The following ABL2 variants were observed in gnomAD, a reference collection of about 807,000 sequenced individuals.
ABL2 encodes the protein tyrosine-protein kinase ABL2.
Under a neutral mutation model 107.7 loss-of-function variants are expected in ABL2, and 49 were observed. The observed-to-expected ratio is 0.45, with a 90% CI of 0.36 to 0.58. The LOEUF (loss-of-function observed/expected upper bound fraction) is 0.58. Among genes scored for constraint, ABL2 ranks in the 20% least tolerant of loss-of-function variants. ABL2 has a pLI of 0.00. For synonymous variants in ABL2, 549 were observed against 548.6 expected, an observed-to-expected ratio of 1.00 and a Z score of -0.01; for missense variants, 1,245 against 1,457.0, an observed-to-expected ratio of 0.85 and a Z score of 2.37.
At chr1:179,206,655 T>C (rs1450625091) in intron 1 of ABL2, among the ~76,000 whole-genome samples, 1 of 152,134 alleles carries the variant, frequency 6.6e-6, no homozygotes, top group Non-Finnish European at 1.5e-5. Flanking sequence ...TGAAAGTATA[T>C]ACAACGAACT....
At chr1:179,229,002 C>T (rs1388822184) in intron 1 of ABL2, among the ~76,000 whole-genome samples, 1 of 152,194 alleles carries the variant, frequency 6.6e-6, no homozygotes. Flanking sequence ...CATCCAGGGT[C>T]CCCAAACCCA....
chr1:179,108,124 A>G lies in ABL2; in HGVS notation c.3143T>C (p.Leu1048Pro). ...GGCTGGCGAGATGGAAGATGTGGGC[A>G]GAGGCACTTGAGGTGGAGGCATCAC... ...RPVMPPPQVP[L>P]PTSSISPAKM... The change falls in exon 12 of 12, where the codon CTG becomes CCG. Residue 1048 changes from leucine (L) to proline (P), a missense_variant. Physicochemically the swap from Leu to Pro is moderately conservative, Grantham distance 98. This residue lies in a region of ABL2 where 761 missense variants were observed against 766.4 expected (regional missense o/e 0.99). Transcript: ENST00000502732. The G allele has an allele frequency of 6.2e-7, 1 of 1,614,250 alleles. No homozygotes were observed. The highest frequency in any genetic ancestry group is 8.5e-7 in the Non-Finnish European group (1 of 1,180,040).
intron 1 of ABL2, among the ~76,000 whole-genome samples, chr1:179,223,867 C>T (rs150339604): frequency 0.016 from 2,457 of 151,170 alleles, 68 homozygotes; most frequent in African/African-American, 0.056. Context: ...GTGGCTCACA[C>T]CTGTAATCTC....
intron 1 of ABL2, among the ~76,000 whole-genome samples, chr1:179,170,023 T>C (rs532936763): frequency 7.9e-5 from 12 of 152,174 alleles, no homozygotes; most frequent in Admixed American, 1.3e-4. Context: ...AGATTCTGTC[T>C]CAAAAAACAA....
chr1:179,122,036 C>G (rs1402090908), intron 4 of ABL2, among the ~76,000 whole-genome samples, 169 bp from the exon 5 acceptor site: 1 of 149,864 alleles, frequency 6.7e-6, no homozygotes, highest in African/African-American at 2.5e-5. Flanking sequence ...CGCCATTCTC[C>G]TGCCTCAGCC....
chr1:179,104,528 G>T lies in ABL2; in HGVS notation c.*3190C>A. The T allele has an allele frequency of 4.8e-6, 1 of 209,448 alleles. No individual in the cohort carries two copies. The highest frequency in any genetic ancestry group is 9.7e-6 in the Non-Finnish European group (1 of 102,968). 13.0% of individuals were successfully genotyped at this position (209,448 alleles called of 1,614,324 possible). On this transcript the variant is annotated 3_prime_UTR_variant, in exon 12 of 12. Coordinates refer to ENST00000502732, the MANE Select transcript of ABL2 (RefSeq NM_007314.4). ...ACTATAATGACCTCTATGTACAGAG[G>T]TCATCTAGAAAAACACTGAATGAAT... is the stretch of plus-strand genomic sequence containing the variant.
chr1:179,157,389 C>T (rs920759906), intron 1 of ABL2, among the ~76,000 whole-genome samples: 6 of 151,774 alleles, frequency 4.0e-5, no homozygotes, highest in East Asian at 3.9e-4. Flanking sequence ...CTCAGCTACT[C>T]GGTAGGCTGA....
chr1:179,209,521 T>A (rs1051798817), intron 1 of ABL2, among the ~76,000 whole-genome samples: 2 of 152,216 alleles, frequency 1.3e-5, no homozygotes, highest in Admixed American at 6.5e-5. Flanking sequence ...AACCTAGCAA[T>A]GGATGAGGAA....
At position 179,107,652 on chromosome 1, in the gene ABL2, A is replaced by G. The variant is rs1653560064; in HGVS notation, c.*66T>C. ...TTTCATTTTCTGAAAACAAGAACAC[A>G]GGAAAACAAGTCCTTTTCCCTCTCC... is the stretch of plus-strand genomic sequence containing the variant. On this transcript the variant is annotated 3_prime_UTR_variant, in exon 12 of 12. Transcript: ENST00000502732. 3 of 1,525,282 alleles carry G rather than the reference A, an allele frequency of 2.0e-6. No individual in the cohort carries two copies. Among genetic ancestry groups the G allele is most frequent in the Non-Finnish European group, 2.6e-6 (3 of 1,138,214 alleles). 94.5% of individuals were successfully genotyped at this position (1,525,282 alleles called of 1,614,324 possible).
chr1:179,188,020 T>C (rs749037286), intron 1 of ABL2, among the ~76,000 whole-genome samples: 48 of 152,300 alleles, frequency 3.2e-4, no homozygotes, highest in Non-Finnish European at 5.7e-4. Flanking sequence ...TTTCCTCTTA[T>C]ATATTATCCC....
chr1:179,170,856 A>C (rs1443134159), intron 1 of ABL2, among the ~76,000 whole-genome samples: 3 of 151,814 alleles, frequency 2.0e-5, no homozygotes, highest in Non-Finnish European at 4.4e-5. Context: ...CGGCCTCCCA[A>C]AATGCTGGGA....
chr1:179,123,993 G>A (rs1405383864), intron 4 of ABL2, among the ~76,000 whole-genome samples: 1 of 151,906 alleles, frequency 6.6e-6, no homozygotes, highest in Non-Finnish European at 1.5e-5. Flanking sequence ...TGTAATCCCA[G>A]CACTTTGGGA....
intron 1 of ABL2, among the ~76,000 whole-genome samples, chr1:179,215,801 A>G (rs1662531395): frequency 6.6e-6 from 1 of 152,176 alleles, no homozygotes; most frequent in Non-Finnish European, 1.5e-5. Flanking sequence ...GGAACAGATG[A>G]GTGATACAAA....
In ABL2 at chr1:179,158,422, G is replaced by C. The variant is rs1658841841; in HGVS notation, c.158-25048C>G. 2.0e-5 allele frequency among the ~76,000 whole-genome samples: 3 copies of C among 152,284 alleles called. No individual in the cohort carries two copies. In the South Asian group the frequency reaches 6.2e-4, roughly 32 times the overall value. On this transcript the variant is annotated intron_variant, in intron 1 of 11. Coordinates refer to ENST00000502732, the MANE Select transcript of ABL2 (RefSeq NM_007314.4). The stretch of plus-strand genomic sequence containing the variant: ...ATTTCACAGATGAACAGACCATGTG[G>C]TAAGATGTAGAGATACAATTCTGGA...
chr1:179,214,979 G>A (rs138782312), intron 1 of ABL2, among the ~76,000 whole-genome samples: 299 of 152,120 alleles, frequency 2.0e-3, no homozygotes, highest in African/African-American at 6.8e-3. Flanking sequence ...GGCTAACATG[G>A]TGAAACTCCT....
At chr1:179,195,649 A>G (rs1661267677) in intron 1 of ABL2, among the ~76,000 whole-genome samples, 1 of 152,158 alleles carries the variant, frequency 6.6e-6, no homozygotes, top group Admixed American at 6.6e-5. Flanking sequence ...TAAAGAGATG[A>G]GTGGATAAAG....
intron 1 of ABL2, among the ~76,000 whole-genome samples, chr1:179,190,403 G>A (rs1660932186): frequency 6.6e-6 from 1 of 152,144 alleles, no homozygotes; most frequent in Non-Finnish European, 1.5e-5. Flanking sequence ...ACAGAGCAAG[G>A]TGTGGGAGAA....
intron 1 of ABL2, among the ~76,000 whole-genome samples, chr1:179,180,949 G>C (rs1051876277): frequency 2.0e-5 from 3 of 152,076 alleles, no homozygotes; most frequent in African/African-American, 7.2e-5. Context: ...TATTTCATTG[G>C]GGGAAAGAAG....
chr1:179,141,892 T>C (rs1475194208), intron 1 of ABL2, among the ~76,000 whole-genome samples: 1 of 151,940 alleles, frequency 6.6e-6, no homozygotes, highest in Admixed American at 6.6e-5. Flanking sequence ...TCATAAAGAG[T>C]AAGGGAACTA....
Sources: gnomAD v4.1 joint callset for allele counts (sites outside exome capture counted in the v4.1 genomes callset) on GRCh38, gnomAD v4.1.1 for gene constraint, gnomAD v4.1.1 regional missense constraint, MANE v1.5 for transcripts, NCBI Gene and HGNC (gene_info 2026-07-23, HGNC 2026-07-21) for gene names.